Variants in ITK observed in about 807,000 individuals in gnomAD.
ITK encodes tyrosine-protein kinase ITK/TSK.
In ITK, 45 loss-of-function variants were observed where a neutral mutation model predicts 87.6. The ratio of observed to expected loss-of-function variants is 0.51; its 90% CI spans 0.40 to 0.66. The LOEUF (loss-of-function observed/expected upper bound fraction) is 0.66. ITK is among the 30% of genes least tolerant of loss of function. The probability of loss-of-function intolerance (pLI) is 0.00; values close to 1 mark genes in which losing one functional copy is unlikely to be tolerated. For synonymous variants in ITK, 303 were observed against 273.6 expected, an observed-to-expected ratio of 1.11 and a Z score of -1.06; for missense variants, 605 against 766.3, an observed-to-expected ratio of 0.79 and a Z score of 2.48.
intron 1 of ITK, among the ~76,000 whole-genome samples, chr5:157,193,107 G>A (rs1432235529): frequency 6.6e-6 from 1 of 152,148 alleles, no homozygotes; most frequent in African/African-American, 2.4e-5. Flanking sequence ...CTATAGTCCA[G>A]CTATTTGGGA....
chr5:157,215,418 C>G (rs1209593476), intron 4 of ITK, among the ~76,000 whole-genome samples: 1 of 152,156 alleles, frequency 6.6e-6, no homozygotes, highest in Non-Finnish European at 1.5e-5. Context: ...CACTTTTCAC[C>G]CTGCACCTTG....
chr5:157,211,113 G>GT (rs1009286904), intron 2 of ITK, among the ~76,000 whole-genome samples, 174 bp from the exon 3 acceptor site: 2 of 152,080 alleles, frequency 1.3e-5, no homozygotes, highest in South Asian at 2.1e-4. Flanking sequence ...CTTACCCTGT[G>GT]TTTTTGTAGC....
intron 15 of ITK, among the ~76,000 whole-genome samples, chr5:157,248,581 G>GGCATTTGAGTCTACAACTCTTAGTTGTA (rs1755068652): frequency 1.3e-5 from 2 of 152,058 alleles, no homozygotes; most frequent in Non-Finnish European, 2.9e-5. Context: ...CCTGCATCTT[G>GGCATTTGAGTCTACAACTCTTAGTTGTA]GCATTTGAGT....
Position 157,253,178 on chromosome 5 carries a change from G to T in ITK, c.*500G>T, listed in dbSNP as rs1755178024. 7 of 285,630 alleles carry T rather than the reference G, an allele frequency of 2.5e-5. No homozygotes were observed. The South Asian group carries it at 5.3e-4, about 22-fold the overall frequency. 17.7% of individuals were successfully genotyped at this position (285,630 alleles called of 1,614,324 possible). ...CCAAGAAAACTGGTGAGTTAAGTAA[G>T]ATTAGAGTGAGTGTGCTCTGTTGCT... On this transcript the variant is annotated 3_prime_UTR_variant, in exon 17 of 17. Coordinates refer to ENST00000422843, the MANE Select transcript of ITK (RefSeq NM_005546.4).
chr5:157,181,232 G>T (rs1232023950), intron 1 of ITK, 117 bp downstream of exon 1: 9 of 1,098,670 alleles, frequency 8.2e-6, no homozygotes, highest in Non-Finnish European at 1.1e-5. Flanking sequence ...CATGCTTATT[G>T]TAACAACATA....
intron 4 of ITK, among the ~76,000 whole-genome samples, chr5:157,217,408 T>A (rs1299033345): frequency 6.6e-6 from 1 of 152,076 alleles, no homozygotes; most frequent in Non-Finnish European, 1.5e-5. Context: ...AGCAGCACAA[T>A]GACCTCCCAC....
Position 157,254,616 on chromosome 5 carries a change from A to T in ITK, c.*1938A>T, listed in dbSNP as rs1755214999. The T allele has an allele frequency of 1.8e-5, 4 of 218,406 alleles. No homozygotes were observed. The highest frequency in any genetic ancestry group is 1.4e-3 in the Middle Eastern group (1 of 724). The allele number at this position is 218,406 out of a possible 1,614,324, so 13.5% of individuals were successfully genotyped here. A position where few individuals can be genotyped will look rare whatever the true frequency, so the allele number is the denominator to read the frequency against. The stretch of plus-strand genomic sequence containing the variant: ...ATTGTGAAGTGGAGAGCCTCAAGAT[A>T]AAACTCTGTCATTCAGAAGATGATT... On this transcript the variant is annotated 3_prime_UTR_variant, in exon 17 of 17. Coordinates refer to ENST00000422843, the MANE Select transcript of ITK (RefSeq NM_005546.4).
At chr5:157,240,309 A>C in intron 10 of ITK, 114 bp downstream of exon 10, 96 of 993,138 alleles carry the variant, frequency 9.7e-5, no homozygotes, top group Middle Eastern at 2.0e-4. Flanking sequence ...TTAGATTCTC[A>C]TAAGAGTGCA....
chr5:157,201,456 C>A (rs907717989), intron 1 of ITK, among the ~76,000 whole-genome samples: 1 of 151,936 alleles, frequency 6.6e-6, no homozygotes. Flanking sequence ...TACCACCATG[C>A]CTGGCTAATT....
chr5:157,182,480 T>C (rs935002926), intron 1 of ITK, among the ~76,000 whole-genome samples: 29 of 152,112 alleles, frequency 1.9e-4, no homozygotes, highest in African/African-American at 7.0e-4. Context: ...TCTTTAGAAG[T>C]GAAAAGAATT....
chr5:157,220,850 T>C (rs1038333362), intron 5 of ITK, among the ~76,000 whole-genome samples: 1 of 152,138 alleles, frequency 6.6e-6, no homozygotes, highest in African/African-American at 2.4e-5. Flanking sequence ...AAAATTAAAG[T>C]ACTTAATTAA....
intron 8 of ITK, among the ~76,000 whole-genome samples, chr5:157,237,908 C>G (rs902133576): frequency 6.6e-6 from 1 of 152,208 alleles, no homozygotes; most frequent in African/African-American, 2.4e-5. Context: ...AGCATGAGAA[C>G]AGTCTGGGAT....
rs186976396 is a variant in ITK at position 157,240,497 on chromosome 5, T to G, written c.985+302T>G. 1.4e-4 allele frequency: 62 copies of G among 458,502 alleles called. No individual in the cohort carries two copies. In the East Asian group the frequency reaches 2.5e-3, roughly 18 times the overall value. 28.4% of individuals were successfully genotyped at this position (458,502 alleles called of 1,614,324 possible). On this transcript the variant is annotated intron_variant, in intron 10 of 16. Coordinates refer to ENST00000422843, the MANE Select transcript of ITK (RefSeq NM_005546.4). ...TGGTGCCAAAAAGGTTGGGGACTGC[T>G]GCTCTAGAGGACAAAGCCAGAGGGC...
chr5:157,243,329 A>G (rs1754951820), intron 11 of ITK, among the ~76,000 whole-genome samples: 1 of 152,256 alleles, frequency 6.6e-6, no homozygotes, highest in African/African-American at 2.4e-5. Context: ...GAAAAATGAC[A>G]TAGAAAAATG....
intron 1 of ITK, among the ~76,000 whole-genome samples, chr5:157,189,418 G>A (rs980311383): frequency 6.6e-6 from 1 of 152,092 alleles, no homozygotes; most frequent in African/African-American, 2.4e-5. Flanking sequence ...AGTGGCTTAT[G>A]CCTGTAATCC....
intron 9 of ITK, among the ~76,000 whole-genome samples, chr5:157,238,765 G>C (rs1328805485): frequency 6.6e-6 from 1 of 152,226 alleles, no homozygotes; most frequent in African/African-American, 2.4e-5. Context: ...TGGACTGCAA[G>C]ATCCTTCCTG....
At chr5:157,216,722 A>G (rs889854530) in intron 4 of ITK, among the ~76,000 whole-genome samples, 4 of 152,170 alleles carry the variant, frequency 2.6e-5, no homozygotes, top group East Asian at 3.9e-4. Flanking sequence ...CAAGGCTCAC[A>G]GCTAGTATTG....
chr5:157,252,681 G>T lies in ITK; in HGVS notation c.*3G>T, dbSNP rs1251959191. The stretch of plus-strand genomic sequence containing the variant: ...AAATTGCAGAATCAGGACTTTAGTA[G>T]AGACTGAGTACCAGGCCACGGGCTG... On this transcript the variant is annotated 3_prime_UTR_variant, in exon 17 of 17. Transcript: ENST00000422843. 1.2e-6 allele frequency: 2 copies of T among 1,607,466 alleles called. No individual in the cohort carries two copies. The highest frequency in any genetic ancestry group is 3.3e-5 in the Admixed American group (2 of 60,026).
At chr5:157,249,084 C>T in intron 16 of ITK, 77 bp downstream of exon 16, 1 of 1,288,448 alleles carries the variant, frequency 7.8e-7, no homozygotes, top group Non-Finnish European at 1.1e-6. Context: ...AGAAAGGAAC[C>T]CTCTCAGAAG....
Sources: allele counts gnomAD v4.1 joint callset (sites outside exome capture counted in the v4.1 genomes callset), GRCh38; gene constraint gnomAD v4.1.1; transcripts MANE v1.5; gene names NCBI Gene and HGNC (gene_info 2026-07-23, HGNC 2026-07-21).